MAP9: variants seen among roughly 807,000 people sequenced by gnomAD.
MAP9 encodes the protein microtubule associated protein 9.
In MAP9, 80 loss-of-function variants were observed where a neutral mutation model predicts 75.2. That is an observed-to-expected ratio of 1.06 (90% CI 0.89 to 1.28). The LOEUF (loss-of-function observed/expected upper bound fraction) is 1.28. Ranked by LOEUF, MAP9 falls within the 50% of genes most tolerant of loss-of-function variation. MAP9 has a pLI of 0.00. For synonymous variants in MAP9, 235 were observed against 237.3 expected, an observed-to-expected ratio of 0.99 and a Z score of 0.09; for missense variants, 753 against 719.9, an observed-to-expected ratio of 1.05 and a Z score of -0.53.
chr4:155,361,740 CAGTAGTTT>C (rs1732089815), intron 6 of MAP9, among the ~76,000 whole-genome samples: 1 of 151,988 alleles, frequency 6.6e-6, no homozygotes. Context: ...ACATACATAA[CAGTAGTTT>C]ACCTTAAGTG....
chr4:155,375,764 A>G lies in MAP9; in HGVS notation c.75+12T>C. 1.3e-6 allele frequency: 2 copies of G among 1,563,658 alleles called. No homozygotes were observed. The highest frequency in any genetic ancestry group is 2.2e-5 in the South Asian group (2 of 89,504). On this transcript the variant is annotated intron_variant, in intron 2 of 13. Coordinates refer to ENST00000311277, the MANE Select transcript of MAP9 (RefSeq NM_001039580.2). ...TTACACTGTGAAATGATTCCAAATAAAAATACTTTACCTGGAAAGTAGTTC... is the reference window on the plus strand; with the variant it reads ...TTACACTGTGAAATGATTCCAAATAGAAATACTTTACCTGGAAAGTAGTTC...
chr4:155,359,210 T>TACACACACACACACAC lies in MAP9; in HGVS notation c.1050+942_1050+957dup, dbSNP rs56261222. On this transcript the variant is annotated intron_variant, in intron 7 of 13. Transcript: ENST00000311277. ...TATGATTGTATAAAGAAAATGTGTA[T>TACACACACACACACAC]ACACACACACACACACACACACACA... Among the ~76,000 whole-genome samples, 483 of 145,576 alleles carry TACACACACACACACAC rather than the reference T, an allele frequency of 3.3e-3. 1 individual carries two copies. Among genetic ancestry groups the TACACACACACACACAC allele is most frequent in the African/African-American group, 0.012 (465 of 39,464 alleles).
At chr4:155,357,897 G>A (rs1401081536) in intron 7 of MAP9, among the ~76,000 whole-genome samples, 1 of 151,930 alleles carries the variant, frequency 6.6e-6, no homozygotes, top group African/African-American at 2.4e-5. Flanking sequence ...ACAGCAAGTG[G>A]GTAAAAGCCT....
Position 155,347,821 on chromosome 4 carries a change from T to C in MAP9, c.1906A>G (p.Ser636Gly). The change falls in exon 14 of 14, where the codon AGC (serine) becomes GGC (glycine). Residue 636 changes from serine (S) to glycine (G), a missense_variant. Ser to Gly is a moderately conservative substitution (Grantham distance 56, BLOSUM62 0). Coordinates refer to ENST00000311277, the MANE Select transcript of MAP9 (RefSeq NM_001039580.2). ...GCGAACACAGTTCTGCTTGGAGGGCTCCACGGAGGAAGTGCCTCACTTTCA... is the reference window on the plus strand; with the variant it reads ...GCGAACACAGTTCTGCTTGGAGGGCCCCACGGAGGAAGTGCCTCACTTTCA... Reference protein sequence around the residue: ...FLESEALPPWSPPSRTVFAKV... With the variant: ...FLESEALPPWGPPSRTVFAKV... 6.2e-7 allele frequency: 1 copy of C among 1,610,966 alleles called. No individual in the cohort carries two copies. Among genetic ancestry groups the C allele is most frequent in the South Asian group, 1.1e-5 (1 of 90,572 alleles).
At position 155,353,011 on chromosome 4, in the gene MAP9, T is replaced by G; in HGVS notation, c.1589A>C (p.Lys530Thr). 1 of 1,546,966 alleles carries G rather than the reference T, an allele frequency of 6.5e-7. No individual in the cohort carries two copies. Among genetic ancestry groups the G allele is most frequent in the South Asian group, 1.2e-5 (1 of 82,894 alleles). The change falls in exon 12 of 14, where the codon AAA becomes ACA. Residue 530 changes from lysine (K) to threonine (T), a missense_variant. Coordinates refer to ENST00000311277, the MANE Select transcript of MAP9 (RefSeq NM_001039580.2). ...TTCATATTCTCTCTCCTTTCTATTTTTCTCTTTAAGATATTCCATCTTTTT... is the reference window on the plus strand; with the variant it reads ...TTCATATTCTCTCTCCTTTCTATTTGTCTCTTTAAGATATTCCATCTTTTT... Reference protein sequence around the residue: ...KEKKMEYLKEKNRKEREYERA... With the variant: ...KEKKMEYLKETNRKEREYERA...
chr4:155,368,648 T>C lies in MAP9; in HGVS notation c.646A>G (p.Thr216Ala), dbSNP rs773762360. ...GCTTCTAATTGTATGCCATTCGGCG[T>C]TGGAAGGGAAGAAGGTGCAGAATGT... ...ELHSAPSSLP[T>A]PNGIQLEAEK... Residue 216 changes from threonine to alanine, a missense_variant, in exon 5 of 14, where the codon ACG becomes GCG. By Grantham distance (58) the Thr-to-Ala change is moderately conservative. Transcript: ENST00000311277. 9 of 1,614,200 alleles carry C rather than the reference T, an allele frequency of 5.6e-6. No individual in the cohort carries two copies. Among genetic ancestry groups the C allele is most frequent in the South Asian group, 1.1e-5 (1 of 91,082 alleles).
chr4:155,366,187 C>T (rs1396692149), intron 5 of MAP9, among the ~76,000 whole-genome samples: 1 of 151,810 alleles, frequency 6.6e-6, no homozygotes, highest in Admixed American at 6.6e-5. Flanking sequence ...GGTGAAACCC[C>T]GTCTCTACTA....
Position 155,347,755 on chromosome 4 carries a change from T to C in MAP9, c.*28A>G. 2.6e-6 allele frequency: 4 copies of C among 1,566,310 alleles called. No individual in the cohort carries two copies. Among genetic ancestry groups the C allele is most frequent in the Non-Finnish European group, 2.6e-6 (3 of 1,159,622 alleles). The stretch of plus-strand genomic sequence containing the variant: ...TGGCTAATATTGGCAAACCGATAAA[T>C]AACCAAATAATGTAAGAACTAGAAT... On this transcript the variant is annotated 3_prime_UTR_variant, in exon 14 of 14. Coordinates refer to ENST00000311277, the MANE Select transcript of MAP9 (RefSeq NM_001039580.2).
Position 155,355,128 on chromosome 4 carries a change from A to C in MAP9, c.1323T>G (p.His441Gln). Residue 441 changes from histidine (H) to glutamine (Q), a missense_variant, in exon 10 of 14, where the codon CAT becomes CAG. Transcript: ENST00000311277. ...CAATTCTTTTTATTCTGTGCATTTC[A>C]TGTAAATACACATTTTTCTTTTCTA... ...EWLEKKNVYLHEMHRIKRIES... is the reference protein window; with the variant it reads ...EWLEKKNVYLQEMHRIKRIES... 1 of 1,397,242 alleles carries C rather than the reference A, an allele frequency of 7.2e-7. No individual in the cohort carries two copies. The highest frequency in any genetic ancestry group is 9.7e-7 in the Non-Finnish European group (1 of 1,026,822). 86.6% of individuals were successfully genotyped at this position (1,397,242 alleles called of 1,614,324 possible). A position where few individuals can be genotyped will look rare whatever the true frequency, so the allele number is the denominator to read the frequency against.
chr4:155,367,861 G>A lies in MAP9; in HGVS notation c.708+725C>T, dbSNP rs971629301. ...TTAAGCACCAACACTGCAGACAAGC[G>A]ATGAGAAAAAGAAAGAAGCTTGGCC... On this transcript the variant is annotated intron_variant, in intron 5 of 13. Transcript: ENST00000311277. Among the ~76,000 whole-genome samples the A allele has an allele frequency of 2.6e-5, 4 of 152,350 alleles. No homozygotes were observed. In the East Asian group the frequency reaches 5.8e-4, roughly 22 times the overall value.
At chr4:155,358,257 C>T (rs903669163) in intron 7 of MAP9, among the ~76,000 whole-genome samples, 1 of 152,152 alleles carries the variant, frequency 6.6e-6, no homozygotes, top group Non-Finnish European at 1.5e-5. Flanking sequence ...TCTATAAACT[C>T]CGGAATATCC....
intron 2 of MAP9, 106 bp from the exon 3 acceptor site, chr4:155,375,127 A>G (rs1560820232): frequency 2.6e-6 from 2 of 778,674 alleles, no homozygotes; most frequent in Admixed American, 2.7e-5. Context: ...TTTCAAACTT[A>G]GGTTTCATTC....
intron 4 of MAP9, chr4:155,372,871 GGTGCTTTGGCTTT>G (rs369905704): frequency 9.1e-4 from 236 of 259,738 alleles, no homozygotes; most frequent in African/African-American, 4.8e-3. Context: ...GATGACTAAA[GGTGCTTTGGCTTT>G]GTGCTTTGGC....
chr4:155,362,436 A>T (rs10027132), intron 5 of MAP9: 143,326 of 223,914 alleles, frequency 0.64, 48,837 homozygotes, highest in African/African-American at 0.9. Flanking sequence ...CCTATTACTT[A>T]ATAATCACAT....
At position 155,355,821 on chromosome 4, in the gene MAP9, G is replaced by A. The variant is rs1021866553; in HGVS notation, c.1185C>T (p.Thr395=). ...TTAAAGTCCCTAAATAGTGAGAAGA[G>A]GTAGTTGTCGATGGAGTTCTCCTTT... is the stretch of plus-strand genomic sequence containing the variant. ...SSKRRTPSTT[T]SSHYLGTLKV... Residue 395 remains threonine, a synonymous_variant, in exon 9 of 14, where the codon ACC becomes ACT. Transcript: ENST00000311277. 1.9e-6 allele frequency: 3 copies of A among 1,613,692 alleles called. No individual in the cohort carries two copies. The highest frequency in any genetic ancestry group is 1.7e-5 in the Admixed American group (1 of 59,976).
At chr4:155,351,946 C>G (rs891509356) in intron 13 of MAP9, among the ~76,000 whole-genome samples, 2 of 151,848 alleles carry the variant, frequency 1.3e-5, no homozygotes, top group African/African-American at 4.8e-5. Flanking sequence ...TAATGTATTA[C>G]TTATATAAAC....
rs140776600 is a variant in MAP9, at chr4:155,373,186, A to C, written c.431T>G (p.Ile144Arg). 1 of 1,596,688 alleles carries C rather than the reference A, an allele frequency of 6.3e-7. No individual in the cohort carries two copies. Among genetic ancestry groups the C allele is most frequent in the African/African-American group, 1.3e-5 (1 of 74,226 alleles). The stretch of plus-strand genomic sequence containing the variant: ...AATTCTGGGTTTAGGTTTCATTTTT[A>C]TTTTGTCTTTTTCAAATTCCTCATC... ...NKDEEFEKDK[I>R]KMKPKPRILS... The change falls in exon 4 of 14, where the codon ATA becomes AGA. Residue 144 changes from isoleucine (I) to arginine (R), a missense_variant. Coordinates refer to ENST00000311277, the MANE Select transcript of MAP9 (RefSeq NM_001039580.2).
chr4:155,346,233 G>A lies in MAP9; in HGVS notation c.*1550C>T, dbSNP rs949445445. Reference sequence around the variant, plus strand: ...AACTTGCTGAGTTTTCTGATATTCTGATAGTAGTTATAAGATGCCTGAGTA... The same window carrying A: ...AACTTGCTGAGTTTTCTGATATTCTAATAGTAGTTATAAGATGCCTGAGTA... On this transcript the variant is annotated 3_prime_UTR_variant, in exon 14 of 14. Coordinates refer to ENST00000311277, the MANE Select transcript of MAP9 (RefSeq NM_001039580.2). 6.6e-6 allele frequency: 1 copy of A among 152,102 alleles called. No individual in the cohort carries two copies. Among genetic ancestry groups the A allele is most frequent in the African/African-American group, 2.4e-5 (1 of 41,412 alleles). The allele number at this position is 152,102 out of a possible 1,614,324, so 9.4% of individuals were successfully genotyped here. A position where few individuals can be genotyped will look rare whatever the true frequency, so the allele number is the denominator to read the frequency against.
At position 155,352,739 on chromosome 4, in the gene MAP9, T is replaced by C. The variant is rs1354394149; in HGVS notation, c.1689-11A>G. The C allele has an allele frequency of 3.2e-6, 5 of 1,539,346 alleles. No individual in the cohort carries two copies. Among genetic ancestry groups the C allele is most frequent in the East Asian group, 4.5e-5 (2 of 44,292 alleles). ...TCCTTTTTTTCATTCCTATAGAGCA[T>C]AGTATAAAACACTGGAGAGTTAAAG... On this transcript the variant is annotated splice_polypyrimidine_tract_variant and intron_variant, in intron 12 of 13. Coordinates refer to ENST00000311277, the MANE Select transcript of MAP9 (RefSeq NM_001039580.2).
Sources: gnomAD v4.1 joint callset for allele counts (sites outside exome capture counted in the v4.1 genomes callset) on GRCh38, gnomAD v4.1.1 for gene constraint, MANE v1.5 for transcripts, NCBI Gene and HGNC (gene_info 2026-07-23, HGNC 2026-07-21) for gene names.